LRTM3: variants seen among roughly 807,000 people sequenced by gnomAD.
LRTM3 encodes leucine rich repeat transmembrane protein 3, also known as leucine-rich repeat transmembrane protein 3.
the LRTM3 span, chr13:102,746,891 GTTTT>G: frequency 6.4e-7 from 1 of 1,551,218 alleles, no homozygotes. Context: ...GTCTGTTTGT[GTTTT>G]TTGAGTACTC....
At chr13:102,735,250 C>T in the LRTM3 span, 142 of 1,551,130 alleles carry the variant, frequency 9.2e-5, no homozygotes, top group Middle Eastern at 3.3e-4. Context: ...TGGTCATATC[C>T]GCAACTTTTT....
chr13:102,734,299 T>G, the LRTM3 span: 17 of 1,551,332 alleles, frequency 1.1e-5, no homozygotes, highest in Non-Finnish European at 1.4e-5. Context: ...TATCTGGTAA[T>G]GCTGATGGCA....
At chr13:102,749,707 C>G in the LRTM3 span, 2 of 1,551,402 alleles carry the variant, frequency 1.3e-6, no homozygotes, top group Non-Finnish European at 1.7e-6. Flanking sequence ...CAGGCTGGCT[C>G]TTAATTGATT....
the LRTM3 span, among the ~76,000 whole-genome samples, chr13:102,754,899 T>C: frequency 6.6e-6 from 1 of 152,208 alleles, no homozygotes; most frequent in African/African-American, 2.4e-5. Flanking sequence ...TAAACTGTTT[T>C]ATCTATCAAC....
At chr13:102,746,687 T>A in the LRTM3 span, 2 of 1,551,102 alleles carry the variant, frequency 1.3e-6, no homozygotes, top group Non-Finnish European at 8.7e-7. Flanking sequence ...AGTGCAATAA[T>A]TGAAAGTCTC....
the LRTM3 span, chr13:102,735,208 C>G: frequency 3.2e-6 from 5 of 1,551,298 alleles, no homozygotes; most frequent in East Asian, 2.4e-5. Context: ...ATTTCTTTGC[C>G]TTCAAATACA....
the LRTM3 span, chr13:102,731,816 T>C: frequency 1.9e-6 from 3 of 1,549,698 alleles, no homozygotes; most frequent in Non-Finnish European, 2.6e-6. Context: ...TTCACTCTGA[T>C]CCCTTTGCTT....
the LRTM3 span, chr13:102,748,663 TG>T: frequency 3.9e-6 from 6 of 1,550,480 alleles, no homozygotes; most frequent in South Asian, 1.2e-5. Context: ...GGAGATCAAA[TG>T]GTTTTTTACT....
chr13:102,746,831 G>A, the LRTM3 span: 1 of 1,551,230 alleles, frequency 6.4e-7, no homozygotes, highest in African/African-American at 1.4e-5. Flanking sequence ...TCCAATCAGT[G>A]ATTTTCCTGA....
the LRTM3 span, among the ~76,000 whole-genome samples, chr13:102,757,343 T>C: frequency 7.7e-6 from 1 of 129,378 alleles, no homozygotes; most frequent in Non-Finnish European, 1.7e-5. Context: ...TAGACGAACA[T>C]CAAGTAATCC....
chr13:102,730,343 G>A, the LRTM3 span: 1 of 1,551,070 alleles, frequency 6.4e-7, no homozygotes, highest in Non-Finnish European at 8.7e-7. Flanking sequence ...TTCAAGACAT[G>A]AACACTCGTC....
the LRTM3 span, chr13:102,758,901 C>G: frequency 5.8e-6 from 9 of 1,544,116 alleles, no homozygotes; most frequent in East Asian, 2.4e-5. Flanking sequence ...ACTCCCTACC[C>G]CTTTTTTAAA....
At chr13:102,744,422 G>A in the LRTM3 span, 2 of 1,549,504 alleles carry the variant, frequency 1.3e-6, no homozygotes, top group Non-Finnish European at 8.7e-7. Flanking sequence ...GGTATCACGT[G>A]GTATTGAACC....
the LRTM3 span, chr13:102,744,958 A>T: frequency 6.4e-7 from 1 of 1,550,816 alleles, no homozygotes; most frequent in Non-Finnish European, 8.7e-7. Context: ...TTATTGCACC[A>T]GTTAAAACTT....
At chr13:102,740,017 T>C in the LRTM3 span, 5 of 1,550,378 alleles carry the variant, frequency 3.2e-6, no homozygotes, top group African/African-American at 1.4e-5. Flanking sequence ...TAACTTGTTC[T>C]ACGCTATCCT....
chr13:102,746,640 C>T, the LRTM3 span: 2 of 1,551,178 alleles, frequency 1.3e-6, no homozygotes, highest in Non-Finnish European at 1.7e-6. Context: ...GCAAATGTTA[C>T]TCTCTTTTTC....
chr13:102,749,728 AT>A, the LRTM3 span: 4 of 1,551,356 alleles, frequency 2.6e-6, no homozygotes, highest in Non-Finnish European at 3.5e-6. Flanking sequence ...CTTGGTTATG[AT>A]TTATATATTG....
the LRTM3 span, chr13:102,735,856 A>C: frequency 1.1e-5 from 17 of 1,541,772 alleles, no homozygotes; most frequent in Non-Finnish European, 1.4e-5. Flanking sequence ...ATGGAGGAGG[A>C]GGGAATGAAG....
chr13:102,748,351 T>G, the LRTM3 span: 17 of 1,551,040 alleles, frequency 1.1e-5, no homozygotes, highest in Non-Finnish European at 1.5e-5. Flanking sequence ...CTTCTAATTC[T>G]TCACTGCTTT....
Sources: allele counts gnomAD v4.1 joint callset (sites outside exome capture counted in the v4.1 genomes callset), GRCh38; gene constraint gnomAD v4.1.1; transcripts MANE v1.5; gene names NCBI Gene and HGNC (gene_info 2026-07-23, HGNC 2026-07-21).